The following LPAR1 variants were observed in gnomAD, a reference collection of about 807,000 sequenced individuals.
LPAR1 encodes LPA receptor 1.
Under a neutral mutation model 23.8 loss-of-function variants are expected in LPAR1, and 5 were observed. That is an observed-to-expected ratio of 0.21 (90% CI 0.11 to 0.44). The LOEUF is 0.44. Among genes scored for constraint, LPAR1 ranks in the 20% least tolerant of loss-of-function variants. The probability of loss-of-function intolerance (pLI) is 0.99; values close to 1 mark genes in which losing one functional copy is unlikely to be tolerated. For synonymous variants in LPAR1, 160 were observed against 164.7 expected (o/e 0.97, Z 0.22); for missense variants, 311 against 482.8 (o/e 0.64, Z 3.33).
At chr9:110,898,534 G>T (rs918725111) in intron 5 of LPAR1, among the ~76,000 whole-genome samples, 1 of 152,138 alleles carries the variant, frequency 6.6e-6, no homozygotes, top group African/African-American at 2.4e-5. Context: ...TGGGAGAACC[G>T]GATTTAAAAT....
chr9:110,882,603 C>A (rs1230717272), intron 5 of LPAR1, among the ~76,000 whole-genome samples: 1 of 152,018 alleles, frequency 6.6e-6, no homozygotes, highest in Admixed American at 6.6e-5. Context: ...TATTACCTGG[C>A]CAAATTATTT....
At chr9:110,955,033 A>G (rs2095691893) in intron 4 of LPAR1, among the ~76,000 whole-genome samples, 1 of 152,226 alleles carries the variant, frequency 6.6e-6, no homozygotes, top group Admixed American at 6.5e-5. Flanking sequence ...AAAAGGATAC[A>G]TGAAACAACC....
chr9:110,971,546 G>T (rs2096419264), intron 4 of LPAR1, among the ~76,000 whole-genome samples: 1 of 151,928 alleles, frequency 6.6e-6, no homozygotes, highest in Non-Finnish European at 1.5e-5. Flanking sequence ...GCTCTTCACT[G>T]GACAGAAAAA....
At chr9:110,902,275 G>A (rs2089458542) in intron 5 of LPAR1, among the ~76,000 whole-genome samples, 1 of 152,098 alleles carries the variant, frequency 6.6e-6, no homozygotes, top group Non-Finnish European at 1.5e-5. Flanking sequence ...GATATTGTTT[G>A]GCTGTGTCCC....
intron 4 of LPAR1, among the ~76,000 whole-genome samples, chr9:110,969,051 T>C (rs993162498): frequency 4.6e-5 from 7 of 152,158 alleles, no homozygotes; most frequent in African/African-American, 1.7e-4. Context: ...GCCATATTTT[T>C]TTCTCATTAG....
chr9:110,884,188 CA>C (rs1206294122), intron 5 of LPAR1, among the ~76,000 whole-genome samples: 1 of 152,102 alleles, frequency 6.6e-6, no homozygotes, highest in African/African-American at 2.4e-5. Flanking sequence ...TTAGTTTTTC[CA>C]TTCCTTTCAG....
rs10980685 is a variant in LPAR1, at chr9:110,994,955, A to T, written c.-181-21397T>A. Among the ~76,000 whole-genome samples, 1,439 of 152,298 alleles carry T rather than the reference A, an allele frequency of 9.4e-3. 12 individuals are homozygous for T. Among genetic ancestry groups the T allele is most frequent in the Non-Finnish European group, 0.013 (863 of 68,018 alleles). ...CAGTCAACAGCGCAGGCAGCATCGT[A>T]CCACCAAGTTTAGCTGTGTTTTCAA... On this transcript the variant is annotated intron_variant, in intron 2 of 5. Coordinates refer to ENST00000683809, the MANE Select transcript of LPAR1 (RefSeq NM_001351411.2).
chr9:111,011,764 A>C (rs915169479), intron 2 of LPAR1, among the ~76,000 whole-genome samples: 1 of 152,150 alleles, frequency 6.6e-6, no homozygotes, highest in Admixed American at 6.6e-5. Flanking sequence ...CTTGTTCTTA[A>C]TGTTTGGATA....
rs2096775175 is a variant in LPAR1, at chr9:110,986,071, CAG to C, written c.-181-12515_-181-12514del. Among the ~76,000 whole-genome samples the C allele has an allele frequency of 3.3e-5, 5 of 152,102 alleles. 1 individual carries two copies. The South Asian group carries it at 1.0e-3, about 32-fold the overall frequency. ...GTAGAACTCTACTCTGGGTAAGAGA[CAG>C]ACTTCATTCTGCCCTGTTTCTTTCC... On this transcript the variant is annotated intron_variant, in intron 2 of 5. Coordinates refer to ENST00000683809, the MANE Select transcript of LPAR1 (RefSeq NM_001351411.2).
intron 5 of LPAR1, among the ~76,000 whole-genome samples, chr9:110,931,901 A>G (rs1347205167): frequency 6.6e-6 from 1 of 152,156 alleles, no homozygotes; most frequent in Non-Finnish European, 1.5e-5. Context: ...TGGTACCAGT[A>G]CCATGCTGTT....
intron 5 of LPAR1, among the ~76,000 whole-genome samples, chr9:110,923,889 C>T (rs1346299183): frequency 1.3e-5 from 2 of 152,190 alleles, no homozygotes; most frequent in Non-Finnish European, 1.5e-5. Flanking sequence ...AGTAAATATA[C>T]ACTAGACTTT....
At chr9:110,957,347 A>T (rs202216737) in intron 4 of LPAR1, among the ~76,000 whole-genome samples, 14 of 136,922 alleles carry the variant, frequency 1.0e-4, no homozygotes, top group African/African-American at 2.3e-4. Flanking sequence ...CTCAAAAAAA[A>T]AAAAATAATA....
chr9:110,991,788 T>C (rs879758659), intron 2 of LPAR1, among the ~76,000 whole-genome samples: 2 of 152,088 alleles, frequency 1.3e-5, no homozygotes, highest in Admixed American at 1.3e-4. Context: ...AGATGGGGTT[T>C]CTCCATGTTG....
chr9:110,920,561 T>C (rs368710051), intron 5 of LPAR1, among the ~76,000 whole-genome samples: 54 of 152,294 alleles, frequency 3.5e-4, no homozygotes, highest in African/African-American at 1.3e-3. Context: ...CTTCTTTTCC[T>C]TTTTTTCTTC....
intron 5 of LPAR1, among the ~76,000 whole-genome samples, chr9:110,915,217 G>A (rs542298686): frequency 6.6e-6 from 1 of 152,156 alleles, no homozygotes; most frequent in Non-Finnish European, 1.5e-5. Flanking sequence ...AGAATAAGAA[G>A]TACATATTGT....
chr9:110,979,804 A>C (rs923919409), intron 2 of LPAR1, among the ~76,000 whole-genome samples: 2 of 152,114 alleles, frequency 1.3e-5, no homozygotes, highest in African/African-American at 4.8e-5. Context: ...GATACAGGAA[A>C]CAGGAGTCCA....
intron 5 of LPAR1, among the ~76,000 whole-genome samples, chr9:110,888,511 C>T: frequency 6.9e-6 from 1 of 143,908 alleles, no homozygotes. Flanking sequence ...TTTTATTAGA[C>T]AATGTAATTA....
intron 5 of LPAR1, among the ~76,000 whole-genome samples, chr9:110,921,331 C>T (rs2093618678): frequency 1.3e-5 from 2 of 152,122 alleles, no homozygotes; most frequent in African/African-American, 2.4e-5. Flanking sequence ...TATGTTTCCT[C>T]TCATGAACTG....
chr9:110,995,372 GT>G, intron 2 of LPAR1, among the ~76,000 whole-genome samples: 1 of 152,264 alleles, frequency 6.6e-6, no homozygotes, highest in East Asian at 1.9e-4. Context: ...AAGTTTTGAG[GT>G]GGGGAGGGGG....
Sources: allele counts gnomAD v4.1 joint callset (sites outside exome capture counted in the v4.1 genomes callset), GRCh38; gene constraint gnomAD v4.1.1; transcripts MANE v1.5; gene names NCBI Gene and HGNC (gene_info 2026-07-23, HGNC 2026-07-21).